Variants in WWOX observed in about 807,000 individuals in gnomAD.
WWOX encodes WW domain containing oxidoreductase.
In WWOX, 69 loss-of-function variants were observed where a neutral mutation model predicts 46.2. The observed-to-expected ratio is 1.49, with a 90% CI of 1.23 to 1.82. The LOEUF (loss-of-function observed/expected upper bound fraction) is 1.82. WWOX is among the 40% of genes most tolerant of loss of function. The probability of loss-of-function intolerance (pLI) is 0.00; values close to 1 mark genes in which losing one functional copy is unlikely to be tolerated. For synonymous variants in WWOX, 359 were observed against 202.6 expected, an observed-to-expected ratio of 1.77 and a Z score of -6.56; for missense variants, 919 against 542.6, an observed-to-expected ratio of 1.69 and a Z score of -6.89.
intron 5 of WWOX, among the ~76,000 whole-genome samples, chr16:78,277,617 T>C (rs748751156): frequency 1.3e-5 from 2 of 152,072 alleles, no homozygotes; most frequent in Non-Finnish European, 2.9e-5. Flanking sequence ...GAAGGAAGCA[T>C]ATGTTGCATT....
At chr16:78,928,931 G>A (rs992292091) in intron 8 of WWOX, among the ~76,000 whole-genome samples, 4 of 152,128 alleles carry the variant, frequency 2.6e-5, no homozygotes, top group Non-Finnish European at 5.9e-5. Flanking sequence ...AACCAGAAGT[G>A]CCCCTTTAAG....
intron 5 of WWOX, among the ~76,000 whole-genome samples, chr16:78,263,627 G>C (rs1292087866): frequency 1.3e-5 from 2 of 151,012 alleles, no homozygotes; most frequent in Non-Finnish European, 3.0e-5. Flanking sequence ...CAGAGAGAAA[G>C]AGAGAGAGAG....
intron 3 of WWOX, among the ~76,000 whole-genome samples, chr16:78,112,191 A>G (rs137894429): frequency 6.6e-6 from 1 of 152,218 alleles, no homozygotes; most frequent in African/African-American, 2.4e-5. Context: ...CAGTATTTTC[A>G]AAGAATCTGA....
chr16:78,886,714 G>C (rs1047826026), intron 8 of WWOX, among the ~76,000 whole-genome samples: 11 of 151,108 alleles, frequency 7.3e-5, no homozygotes, highest in Non-Finnish European at 1.3e-4. Flanking sequence ...AACATATAGA[G>C]AAAGAATATG....
intron 8 of WWOX, among the ~76,000 whole-genome samples, chr16:78,635,643 A>G (rs954441637): frequency 3.9e-5 from 6 of 152,158 alleles, no homozygotes; most frequent in African/African-American, 1.4e-4. Context: ...AGTGCTAAAA[A>G]TGCTTGACCA....
chr16:78,750,336 G>C (rs7196702), intron 8 of WWOX, among the ~76,000 whole-genome samples: 2 of 152,014 alleles, frequency 1.3e-5, no homozygotes, highest in Non-Finnish European at 2.9e-5. Flanking sequence ...CCTGTGGTCT[G>C]TAAGAATGGG....
chr16:78,338,017 C>G lies in WWOX; in HGVS notation c.517-48843C>G, dbSNP rs2080933659. On this transcript the variant is annotated intron_variant, in intron 5 of 8. Transcript: ENST00000566780. ...ACCAAGCTGATGAGGATAGCAGTTTCTTTTGTTCTTTTAAAACATATATAA... is the reference window on the plus strand; with the variant it reads ...ACCAAGCTGATGAGGATAGCAGTTTGTTTTGTTCTTTTAAAACATATATAA... Among the ~76,000 whole-genome samples, 2 of 120,026 alleles carry G rather than the reference C, an allele frequency of 1.7e-5. 1 individual carries two copies. Among genetic ancestry groups the G allele is most frequent in the South Asian group, 4.9e-4 (2 of 4,048 alleles). The allele number at this position is 120,026 out of a possible 152,430, so 78.7% of individuals were successfully genotyped here.
intron 8 of WWOX, among the ~76,000 whole-genome samples, chr16:78,661,936 C>T (rs529217795): frequency 1.3e-5 from 2 of 152,182 alleles, no homozygotes; most frequent in South Asian, 4.2e-4. Context: ...CTGAGCTACT[C>T]AGGAGGATAA....
chr16:78,352,129 C>T (rs1372806233), intron 5 of WWOX, among the ~76,000 whole-genome samples: 4 of 152,154 alleles, frequency 2.6e-5, no homozygotes, highest in Non-Finnish European at 4.4e-5. Context: ...TCGGCCTATG[C>T]GATTGTGAAA....
At chr16:78,142,687 A>G (rs968086492) in intron 4 of WWOX, among the ~76,000 whole-genome samples, 8 of 152,224 alleles carry the variant, frequency 5.3e-5, no homozygotes, top group African/African-American at 1.7e-4. Context: ...CCACAGAAAG[A>G]TGGAATCAAT....
chr16:78,984,185 T>C (rs1311141040), intron 8 of WWOX, among the ~76,000 whole-genome samples: 1 of 152,152 alleles, frequency 6.6e-6, no homozygotes, highest in Non-Finnish European at 1.5e-5. Flanking sequence ...GCCAGAGGGC[T>C]ATTCTTTGTC....
intron 8 of WWOX, among the ~76,000 whole-genome samples, chr16:78,842,488 G>C (rs538120298): frequency 2.2e-5 from 3 of 136,996 alleles, no homozygotes; most frequent in African/African-American, 5.4e-5. Context: ...GGGTGAAAAA[G>C]TGACACCCTG....
chr16:78,221,302 C>T (rs527349828), intron 5 of WWOX, among the ~76,000 whole-genome samples: 3 of 152,132 alleles, frequency 2.0e-5, no homozygotes, highest in South Asian at 4.2e-4. Context: ...TATGGAGTGG[C>T]TTAGCTTTCA....
At chr16:79,090,912 G>C (rs1468289866) in intron 8 of WWOX, among the ~76,000 whole-genome samples, 1 of 152,140 alleles carries the variant, frequency 6.6e-6, no homozygotes, top group Non-Finnish European at 1.5e-5. Flanking sequence ...TCCTGCCTCA[G>C]CCTCCCAAGA....
chr16:78,804,902 T>C (rs1317308982), intron 8 of WWOX, among the ~76,000 whole-genome samples: 1 of 152,238 alleles, frequency 6.6e-6, no homozygotes, highest in Admixed American at 6.5e-5. Context: ...CCAAGTAATC[T>C]AAATTTCCTC....
intron 1 of WWOX, among the ~76,000 whole-genome samples, chr16:78,101,386 GC>G (rs1281353646): frequency 8.5e-6 from 1 of 118,112 alleles, no homozygotes; most frequent in Non-Finnish European, 1.7e-5. Context: ...TCGCTCCGTC[GC>G]CCAAACTGGA....
At chr16:78,556,920 T>C (rs2044312280) in intron 8 of WWOX, among the ~76,000 whole-genome samples, 1 of 152,054 alleles carries the variant, frequency 6.6e-6, no homozygotes, top group Non-Finnish European at 1.5e-5. Flanking sequence ...GGTTTTGCCA[T>C]ATTGGTCAGG....
intron 8 of WWOX, among the ~76,000 whole-genome samples, chr16:78,839,856 T>C (rs1043992919): frequency 1.3e-5 from 2 of 152,204 alleles, no homozygotes; most frequent in Non-Finnish European, 1.5e-5. Context: ...AGTGCTTTTG[T>C]TTCCAGTGAC....
At chr16:78,766,701 G>T (rs1375013667) in intron 8 of WWOX, among the ~76,000 whole-genome samples, 2 of 152,190 alleles carry the variant, frequency 1.3e-5, no homozygotes, top group East Asian at 3.8e-4. Flanking sequence ...TGAAAAAAGG[G>T]CCTGAACAGG....
Sources: allele counts gnomAD v4.1 joint callset (sites outside exome capture counted in the v4.1 genomes callset), GRCh38; gene constraint gnomAD v4.1.1; transcripts MANE v1.5; gene names NCBI Gene and HGNC (gene_info 2026-07-23, HGNC 2026-07-21).